FOXN3: variants seen among roughly 807,000 people sequenced by gnomAD.
FOXN3 encodes the protein forkhead box N3, also known as forkhead box protein N3.
Under a neutral mutation model 38.4 loss-of-function variants are expected in FOXN3, and 7 were observed. The ratio of observed to expected loss-of-function variants is 0.18; its 90% CI spans 0.10 to 0.34. FOXN3 has a LOEUF of 0.34. Among genes scored for constraint, FOXN3 ranks in the 10% least tolerant of loss-of-function variants. The pLI, the probability that FOXN3 is intolerant of heterozygous loss-of-function variation, is 1.00. For synonymous variants in FOXN3, 230 were observed against 242.2 expected, an observed-to-expected ratio of 0.95 and a Z score of 0.47; for missense variants, 456 against 613.4, an observed-to-expected ratio of 0.74 and a Z score of 2.71.
intron 1 of FOXN3, among the ~76,000 whole-genome samples, chr14:89,479,037 T>C (rs574494006): frequency 6.6e-6 from 1 of 151,186 alleles, no homozygotes; most frequent in East Asian, 2.0e-4. Flanking sequence ...CATTATATTC[T>C]CAGAATGCAC....
intron 2 of FOXN3, among the ~76,000 whole-genome samples, chr14:89,411,033 G>A (rs894942444): frequency 2.6e-4 from 40 of 152,310 alleles, no homozygotes; most frequent in African/African-American, 6.3e-4. Flanking sequence ...TGTTAGGAAC[G>A]GGGCTGCACA....
At chr14:89,588,874 A>G (rs1895899160) in intron 1 of FOXN3, among the ~76,000 whole-genome samples, 1 of 152,236 alleles carries the variant, frequency 6.6e-6, no homozygotes, top group African/African-American at 2.4e-5. Flanking sequence ...TTTAATACCC[A>G]GACAACTGGG....
chr14:89,259,330 G>C (rs1850352813), intron 4 of FOXN3, among the ~76,000 whole-genome samples: 1 of 152,082 alleles, frequency 6.6e-6, no homozygotes, highest in South Asian at 2.1e-4. Flanking sequence ...TTTCTCTTGG[G>C]TAATGAGTCA....
At chr14:89,543,246 T>G (rs1894825386) in intron 1 of FOXN3, among the ~76,000 whole-genome samples, 1 of 152,142 alleles carries the variant, frequency 6.6e-6, no homozygotes, top group Non-Finnish European at 1.5e-5. Flanking sequence ...CCCTTCAACT[T>G]GGATGCTCAC....
At chr14:89,617,051 G>A (rs1315834342) in intron 1 of FOXN3, among the ~76,000 whole-genome samples, 1 of 152,018 alleles carries the variant, frequency 6.6e-6, no homozygotes, top group Non-Finnish European at 1.5e-5. Flanking sequence ...TTAAGTGGTG[G>A]TCATGGTAGA....
chr14:89,330,567 G>A (rs1361194522), intron 3 of FOXN3, among the ~76,000 whole-genome samples: 1 of 152,208 alleles, frequency 6.6e-6, no homozygotes, highest in African/African-American at 2.4e-5. Flanking sequence ...AGAGGGAAGA[G>A]TAAAGAGAGA....
chr14:89,283,166 G>C (rs1304573379), intron 3 of FOXN3, among the ~76,000 whole-genome samples: 1 of 152,168 alleles, frequency 6.6e-6, no homozygotes, highest in South Asian at 2.1e-4. Flanking sequence ...TTCTTTTGGA[G>C]GGTTCCTCAA....
At chr14:89,513,344 C>A (rs1894134861) in intron 1 of FOXN3, among the ~76,000 whole-genome samples, 1 of 151,658 alleles carries the variant, frequency 6.6e-6, no homozygotes, top group Non-Finnish European at 1.5e-5. Context: ...TAGCTCTCAG[C>A]CTCCTGAGCA....
At chr14:89,275,913 T>C (rs1458198808) in intron 4 of FOXN3, among the ~76,000 whole-genome samples, 1 of 152,156 alleles carries the variant, frequency 6.6e-6, no homozygotes, top group Non-Finnish European at 1.5e-5. Flanking sequence ...GGCAACACAA[T>C]CCTCCTCTGT....
intron 4 of FOXN3, among the ~76,000 whole-genome samples, chr14:89,275,464 C>T (rs540705645): frequency 6.6e-6 from 1 of 152,266 alleles, no homozygotes; most frequent in Non-Finnish European, 1.5e-5. Context: ...CTAGGTATGC[C>T]ACGTGGCTTG....
chr14:89,441,268 C>T (rs1039974895), intron 1 of FOXN3, among the ~76,000 whole-genome samples: 1 of 152,146 alleles, frequency 6.6e-6, no homozygotes, highest in African/African-American at 2.4e-5. Context: ...AACTCCCCAA[C>T]GACTCCATTC....
At chr14:89,517,020 TCTC>T (rs1894220171) in intron 1 of FOXN3, among the ~76,000 whole-genome samples, 1 of 152,130 alleles carries the variant, frequency 6.6e-6, no homozygotes, top group Non-Finnish European at 1.5e-5. Context: ...AAATACGTGA[TCTC>T]CTGTTTGTGC....
At chr14:89,417,879 C>T (rs1279988688), upstream of FOXN3, 1 of 387,998 alleles carries the variant, frequency 2.6e-6, no homozygotes, top group Non-Finnish European at 5.3e-6. Flanking sequence ...GAGGCACCGT[C>T]CTAAAGGCCA....
intron 4 of FOXN3, among the ~76,000 whole-genome samples, chr14:89,189,081 G>A (rs1474377239): frequency 6.6e-6 from 1 of 152,154 alleles, no homozygotes. Context: ...GCTCCAGGCA[G>A]AGGAACAAGT....
chr14:89,226,572 AGTAT>A (rs1338593606), intron 4 of FOXN3, among the ~76,000 whole-genome samples: 1 of 152,164 alleles, frequency 6.6e-6, no homozygotes, highest in Non-Finnish European at 1.5e-5. Flanking sequence ...TCGCTAGAGT[AGTAT>A]GACTAGTGGG....
intron 2 of FOXN3, among the ~76,000 whole-genome samples, chr14:89,385,521 A>AT (rs1491142176): frequency 6.9e-6 from 1 of 145,504 alleles, no homozygotes; most frequent in Non-Finnish European, 1.5e-5. Context: ...AAAAAAAAAA[A>AT]GGAGGGCTGG....
intron 1 of FOXN3, among the ~76,000 whole-genome samples, chr14:89,522,244 T>C (rs1409619625): frequency 6.6e-6 from 1 of 152,050 alleles, no homozygotes; most frequent in Non-Finnish European, 1.5e-5. Flanking sequence ...TCAGATGAGA[T>C]TGGGCACATT....
At chr14:89,344,115 A>C (rs893125433) in intron 3 of FOXN3, among the ~76,000 whole-genome samples, 2 of 152,240 alleles carry the variant, frequency 1.3e-5, no homozygotes, top group African/African-American at 4.8e-5. Flanking sequence ...CATCCAAAAA[A>C]TAAATCTTTA....
chr14:89,554,431 C>T (rs1251577867), intron 1 of FOXN3, among the ~76,000 whole-genome samples: 1 of 152,138 alleles, frequency 6.6e-6, no homozygotes, highest in East Asian at 1.9e-4. Context: ...CCACCACACA[C>T]GGCCTCTTTC....
Sources: allele counts gnomAD v4.1 joint callset (sites outside exome capture counted in the v4.1 genomes callset), GRCh38; gene constraint gnomAD v4.1.1; transcripts MANE v1.5; gene names NCBI Gene and HGNC (gene_info 2026-07-23, HGNC 2026-07-21).